The following RFX3 variants were observed in gnomAD, a reference collection of about 807,000 sequenced individuals.
RFX3 encodes the protein regulatory factor X3, also known as transcription factor RFX3.
RFX3 carries 14 observed loss-of-function variants against 98.6 expected under a neutral mutation model. The observed-to-expected ratio is 0.14, with a 90% confidence interval of 0.09 to 0.22. The LOEUF is 0.22. Among genes scored for constraint, RFX3 ranks in the 10% least tolerant of loss-of-function variants. RFX3 has a pLI of 1.00. For missense variants in RFX3, 639 were observed against 926.9 expected, an observed-to-expected ratio of 0.69 and a Z score of 4.03; for synonymous variants, 383 against 328.4, an observed-to-expected ratio of 1.17 and a Z score of -1.80.
Position 3,218,672 on chromosome 9 carries a change from G to A in RFX3, c.*6370C>T, listed in dbSNP as rs1444754513. 1 of 152,106 alleles carries A rather than the reference G, an allele frequency of 6.6e-6. No homozygotes were observed. The highest frequency in any genetic ancestry group is 1.5e-5 in the Non-Finnish European group (1 of 67,996). The allele number at this position is 152,106 out of a possible 1,614,324, so 9.4% of individuals were successfully genotyped here. A position where few individuals can be genotyped will look rare whatever the true frequency, so the allele number is the denominator to read the frequency against. On this transcript the variant is annotated 3_prime_UTR_variant, in exon 17 of 17. Coordinates refer to ENST00000617270, the MANE Select transcript of RFX3 (RefSeq NM_001282116.2). The stretch of plus-strand genomic sequence containing the variant: ...AAACCATCACATGTTATTCGGTAAA[G>A]ATGTTTTTAAATAATTAAAAAGTTT...
At chr9:3,315,588 T>C (rs1485480714) in intron 4 of RFX3, among the ~76,000 whole-genome samples, 1 of 152,078 alleles carries the variant, frequency 6.6e-6, no homozygotes, top group East Asian at 1.9e-4. Context: ...ATCCAGGAGC[T>C]GGCTTTTTGA....
chr9:3,474,648 G>A (rs959303274), intron 1 of RFX3, among the ~76,000 whole-genome samples: 1 of 152,202 alleles, frequency 6.6e-6, no homozygotes, highest in African/African-American at 2.4e-5. Flanking sequence ...ACAAGTGGCA[G>A]CCAAGACTCT....
At chr9:3,414,434 C>T (rs1242232768) in intron 1 of RFX3, among the ~76,000 whole-genome samples, 1 of 151,554 alleles carries the variant, frequency 6.6e-6, no homozygotes, top group Non-Finnish European at 1.5e-5. Context: ...GATCCAAAGA[C>T]ATATTTGCTG....
Position 3,381,963 on chromosome 9 carries a change from G to A in RFX3, c.117+13509C>T, listed in dbSNP as rs371820002. On this transcript the variant is annotated intron_variant, in intron 2 of 16. Coordinates refer to ENST00000617270, the MANE Select transcript of RFX3 (RefSeq NM_001282116.2). ...TTGTTTGCTTGTTGTTTCAACTGGA[G>A]CTCGTTCCACTTTTCTCCATTTGAC... Among the ~76,000 whole-genome samples, 112 of 152,240 alleles carry A rather than the reference G, an allele frequency of 7.4e-4. 2 individuals are homozygous for A. In the East Asian group the frequency reaches 0.015, roughly 21 times the overall value.
At position 3,497,537 on chromosome 9, in the gene RFX3, T is replaced by C. The variant is rs538577993; in HGVS notation, c.-9+28210A>G. ...GGAAAAAGATTTTTTGGTGAAGTCA[T>C]GCTGATCTCTCGAACTAGGATGCCT... On this transcript the variant is annotated intron_variant, in intron 1 of 16. Transcript: ENST00000617270. Among the ~76,000 whole-genome samples the C allele has an allele frequency of 5.3e-5, 8 of 152,048 alleles. No homozygotes were observed. The South Asian group carries it at 1.7e-3, about 32-fold the overall frequency.
intron 2 of RFX3, among the ~76,000 whole-genome samples, chr9:3,394,434 G>C (rs1298753913): frequency 1.3e-5 from 2 of 152,194 alleles, no homozygotes; most frequent in African/African-American, 4.8e-5. Context: ...CTGCACTGCA[G>C]CCTGGGAGAC....
At chr9:3,386,379 C>G (rs1194072489) in intron 2 of RFX3, among the ~76,000 whole-genome samples, 1 of 151,552 alleles carries the variant, frequency 6.6e-6, no homozygotes, top group African/African-American at 2.4e-5. Flanking sequence ...AGGTACTAAC[C>G]TAAATATTTT....
chr9:3,391,210 G>C (rs1840275616), intron 2 of RFX3, among the ~76,000 whole-genome samples: 1 of 151,974 alleles, frequency 6.6e-6, no homozygotes. Flanking sequence ...AACATTATAG[G>C]CATGTCAGAG....
intron 1 of RFX3, among the ~76,000 whole-genome samples, chr9:3,510,411 A>T (rs1167173924): frequency 1.3e-5 from 2 of 152,070 alleles, no homozygotes; most frequent in Non-Finnish European, 2.9e-5. Context: ...GCATTAAGTT[A>T]TTGAGGAGTT....
At chr9:3,301,210 T>G (rs1828615060) in intron 5 of RFX3, among the ~76,000 whole-genome samples, 1 of 142,750 alleles carries the variant, frequency 7.0e-6, no homozygotes. Context: ...TTACAAGTAT[T>G]TGCTTCATAG....
rs1463668209 is a variant in RFX3, at chr9:3,222,317, G to C, written c.*2725C>G. On this transcript the variant is annotated 3_prime_UTR_variant, in exon 17 of 17. Coordinates refer to ENST00000617270, the MANE Select transcript of RFX3 (RefSeq NM_001282116.2). ...GATCAGAATATTTTTATTGAGTCAA[G>C]TTCAAATGTAATAATGTTTTATTAG... 1 of 152,038 alleles carries C rather than the reference G, an allele frequency of 6.6e-6. No homozygotes were observed. The highest frequency in any genetic ancestry group is 2.4e-5 in the African/African-American group (1 of 41,420). 9.4% of individuals were successfully genotyped at this position (152,038 alleles called of 1,614,324 possible).
chr9:3,358,176 G>C (rs1345205117), intron 2 of RFX3, among the ~76,000 whole-genome samples: 1 of 152,080 alleles, frequency 6.6e-6, no homozygotes, highest in African/African-American at 2.4e-5. Context: ...TCTATCAAAA[G>C]GGTTACTGTG....
chr9:3,429,117 G>T (rs1217021931), intron 1 of RFX3, among the ~76,000 whole-genome samples: 3 of 150,572 alleles, frequency 2.0e-5, no homozygotes, highest in Admixed American at 2.0e-4. Flanking sequence ...CCGCCTCCCG[G>T]GTTCATGCCA....
At chr9:3,454,704 T>A (rs530501875) in intron 1 of RFX3, among the ~76,000 whole-genome samples, 38 of 152,182 alleles carry the variant, frequency 2.5e-4, no homozygotes, top group Non-Finnish European at 4.9e-4. Context: ...ATGACTAGGC[T>A]ACCCTGTCCA....
chr9:3,495,350 T>C (rs1851030403), intron 1 of RFX3, among the ~76,000 whole-genome samples: 1 of 152,056 alleles, frequency 6.6e-6, no homozygotes, highest in Non-Finnish European at 1.5e-5. Flanking sequence ...AACTGTACTG[T>C]ACCATCCATA....
chr9:3,369,303 T>C (rs993083795), intron 2 of RFX3, among the ~76,000 whole-genome samples: 2 of 152,186 alleles, frequency 1.3e-5, no homozygotes, highest in East Asian at 3.8e-4. Flanking sequence ...TCTTCCTATG[T>C]CCTCACGTGG....
intron 2 of RFX3, among the ~76,000 whole-genome samples, chr9:3,384,147 G>C (rs1228265208): frequency 6.6e-6 from 1 of 152,112 alleles, no homozygotes; most frequent in Non-Finnish European, 1.5e-5. Context: ...GGGGCAGCAG[G>C]AAACTAAGTG....
chr9:3,519,716 T>A (rs997581112), intron 1 of RFX3, among the ~76,000 whole-genome samples: 3 of 152,172 alleles, frequency 2.0e-5, no homozygotes, highest in Non-Finnish European at 4.4e-5. Flanking sequence ...ACCAGTATAC[T>A]TATTCTATCC....
chr9:3,443,644 T>A (rs1246832547), intron 1 of RFX3, among the ~76,000 whole-genome samples: 1 of 152,236 alleles, frequency 6.6e-6, no homozygotes, highest in Non-Finnish European at 1.5e-5. Flanking sequence ...TTTGCTATTG[T>A]GAATAGTGCT....
Sources: gnomAD v4.1 joint callset for allele counts (sites outside exome capture counted in the v4.1 genomes callset) on GRCh38, gnomAD v4.1.1 for gene constraint, MANE v1.5 for transcripts, NCBI Gene and HGNC (gene_info 2026-07-23, HGNC 2026-07-21) for gene names.